The following AGO3 variants were observed in gnomAD, a reference collection of about 807,000 sequenced individuals.
The protein encoded by AGO3 is argonaute RISC catalytic component 3, also known as protein argonaute-3.
Under a neutral mutation model 105.5 loss-of-function variants are expected in AGO3, and 16 were observed. The observed-to-expected ratio is 0.15, with a 90% CI of 0.10 to 0.23. AGO3 has a LOEUF of 0.23. Ranked by LOEUF, AGO3 falls within the 10% of genes least tolerant of loss-of-function variation. AGO3 has a pLI of 1.00. For missense variants in AGO3, 534 were observed against 1,088.0 expected, an observed-to-expected ratio of 0.49 and a Z score of 7.16; for synonymous variants, 340 against 367.3, an observed-to-expected ratio of 0.93 and a Z score of 0.85.
chr1:36,027,073 G>A lies in AGO3; in HGVS notation c.1407-41G>A. 1 of 1,563,024 alleles carries A rather than the reference G, an allele frequency of 6.4e-7. No individual in the cohort carries two copies. Among genetic ancestry groups the A allele is most frequent in the Non-Finnish European group, 8.7e-7 (1 of 1,153,024 alleles). ...CCATTACTACTTTGTAGGAATTCAT[G>A]ACTAGACAAAGGTTTTATATTTAGT... On this transcript the variant is annotated intron_variant, in intron 11 of 18. Coordinates refer to ENST00000373191, the MANE Select transcript of AGO3 (RefSeq NM_024852.4). This position sits in a 1 kb window ranked among gnomAD's most constrained non-coding sequence, Gnocchi z 4.0.
Position 36,027,778 on chromosome 1 carries a change from CAAAA to C in AGO3, c.1591+492_1591+495del, listed in dbSNP as rs529893386. Among the ~76,000 whole-genome samples the C allele has an allele frequency of 1.5e-5, 1 of 66,700 alleles. No homozygotes were observed. Among genetic ancestry groups the C allele is most frequent in the African/African-American group, 5.8e-5 (1 of 17,166 alleles). 43.8% of individuals were successfully genotyped at this position (66,700 alleles called of 152,430 possible). A position where few individuals can be genotyped will look rare whatever the true frequency, so the allele number is the denominator to read the frequency against. On this transcript the variant is annotated intron_variant, in intron 12 of 18. Coordinates refer to ENST00000373191, the MANE Select transcript of AGO3 (RefSeq NM_024852.4). The surrounding 1 kb of genome is among the most constrained non-coding windows in gnomAD (Gnocchi z 4.0). ...TGGGCGACAGAGCGAAAGTCCGTCT[CAAAA>C]AAAAAAAAAAAGGGTTTCAGTAGTG...
At position 36,058,556 on chromosome 1, in the gene AGO3, G is replaced by T. The variant is rs1314092908; in HGVS notation, c.*2811G>T. 2 of 151,588 alleles carry T rather than the reference G, an allele frequency of 1.3e-5. No individual in the cohort carries two copies. Among genetic ancestry groups the T allele is most frequent in the Non-Finnish European group, 2.9e-5 (2 of 67,970 alleles). 9.4% of individuals were successfully genotyped at this position (151,588 alleles called of 1,614,324 possible). On this transcript the variant is annotated 3_prime_UTR_variant, in exon 19 of 19. Coordinates refer to ENST00000373191, the MANE Select transcript of AGO3 (RefSeq NM_024852.4). ...GAAACCTAATGGATTTAGATCTTTAGTTTCTCTCTTACCTGTAATCCACTA... is the reference window on the plus strand; with the variant it reads ...GAAACCTAATGGATTTAGATCTTTATTTTCTCTCTTACCTGTAATCCACTA...
intron 5 of AGO3, among the ~76,000 whole-genome samples, chr1:36,001,493 T>C (rs1557676798): frequency 6.6e-6 from 1 of 152,172 alleles, no homozygotes; most frequent in Admixed American, 6.5e-5. Flanking sequence ...CAGTATAGTG[T>C]TTCTAATGTT....
intron 12 of AGO3, among the ~76,000 whole-genome samples, chr1:36,028,319 C>T (rs1236841805): frequency 5.9e-5 from 9 of 151,406 alleles, no homozygotes; most frequent in Non-Finnish European, 1.2e-4. Context: ...CATGTGTATA[C>T]ATGTGCCATG....
rs112450136 is a variant in AGO3 at position 36,052,192 on chromosome 1, A to G, written c.2275-2754A>G. Reference sequence around the variant, plus strand: ...TGTCCCTCAACAGATGAATGAAGAAAATATGGTATTTATACACAATGAAAT... The same window carrying G: ...TGTCCCTCAACAGATGAATGAAGAAGATATGGTATTTATACACAATGAAAT... On this transcript the variant is annotated intron_variant, in intron 17 of 18. Coordinates refer to ENST00000373191, the MANE Select transcript of AGO3 (RefSeq NM_024852.4). 1.4e-3 allele frequency among the ~76,000 whole-genome samples: 206 copies of G among 152,340 alleles called. 2 individuals carry two copies. The highest frequency in any genetic ancestry group is 4.4e-3 in the African/African-American group (185 of 41,588).
At chr1:36,040,150 G>T (rs1642186820) in intron 15 of AGO3, among the ~76,000 whole-genome samples, 157 bp from the exon 16 acceptor site, 1 of 152,144 alleles carries the variant, frequency 6.6e-6, no homozygotes, top group African/African-American at 2.4e-5. Context: ...TGTATGCCTT[G>T]CTTGCTAAGA....
At chr1:35,957,365 AAAG>A (rs1311409321) in intron 2 of AGO3, among the ~76,000 whole-genome samples, 3 of 151,422 alleles carry the variant, frequency 2.0e-5, no homozygotes, top group Non-Finnish European at 4.4e-5. Context: ...AAAACAAAAA[AAAG>A]AAGTCAGTGG....
At chr1:35,980,192 CCTT>C (rs1647027925) in intron 5 of AGO3, among the ~76,000 whole-genome samples, 1 of 151,944 alleles carries the variant, frequency 6.6e-6, no homozygotes, top group Non-Finnish European at 1.5e-5. Context: ...TATTCTCTTC[CCTT>C]CTTTCTACTA....
Position 35,945,804 on chromosome 1 carries a change from T to G in AGO3, c.132T>G (p.Ile44Met). The G allele has an allele frequency of 1.2e-6, 2 of 1,613,850 alleles. No homozygotes were observed. Among genetic ancestry groups the G allele is most frequent in the Non-Finnish European group, 1.7e-6 (2 of 1,180,002 alleles). Residue 44 changes from isoleucine (I) to methionine (M), a missense_variant, in exon 2 of 19, where the codon ATT becomes ATG. By Grantham distance (10) the Ile-to-Met change is conservative. Around this residue, in one of 2 missense-constraint regions of AGO3, gnomAD observed 161 missense variants for 234.0 expected, o/e 0.69. Coordinates refer to ENST00000373191, the MANE Select transcript of AGO3 (RefSeq NM_024852.4). The stretch of plus-strand genomic sequence containing the variant: ...GTTTTCAAGTTGAAATCCCAAAGAT[T>G]GATGTCTACCTCTATGAGGTAGATA... ...ANCFQVEIPK[I>M]DVYLYEVDIK...
chr1:35,935,286 A>G (rs971943261), intron 1 of AGO3, among the ~76,000 whole-genome samples: 2 of 152,252 alleles, frequency 1.3e-5, no homozygotes, highest in African/African-American at 4.8e-5. Context: ...GAAAAGACAT[A>G]TAGATAACCT....
chr1:36,002,137 A>C (rs1192488745), intron 5 of AGO3, among the ~76,000 whole-genome samples: 2 of 152,026 alleles, frequency 1.3e-5, no homozygotes, highest in African/African-American at 4.8e-5. Flanking sequence ...CTCTGGCCTT[A>C]GCCTTCTGAG....
At chr1:35,937,743 C>CT (rs1277580923) in intron 1 of AGO3, among the ~76,000 whole-genome samples, 1 of 152,150 alleles carries the variant, frequency 6.6e-6, no homozygotes, top group African/African-American at 2.4e-5. Flanking sequence ...TAACCCTCAA[C>CT]TGGCTGGATG....
At chr1:36,007,565 C>T (rs1640396683) in intron 6 of AGO3, among the ~76,000 whole-genome samples, 1 of 151,726 alleles carries the variant, frequency 6.6e-6, no homozygotes, top group Non-Finnish European at 1.5e-5. Flanking sequence ...GGCATAGTGG[C>T]GGGTACTGTA....
At chr1:36,030,553 A>C (rs962429116) in intron 12 of AGO3, among the ~76,000 whole-genome samples, 6 of 152,158 alleles carry the variant, frequency 3.9e-5, no homozygotes, top group African/African-American at 1.4e-4. Context: ...ATAAAGGGAA[A>C]AATTTTGTGC....
At chr1:35,933,061 CTCT>C (rs1390308267) in intron 1 of AGO3, among the ~76,000 whole-genome samples, 7 of 152,118 alleles carry the variant, frequency 4.6e-5, no homozygotes, top group African/African-American at 1.4e-4. Context: ...TACATTTTAC[CTCT>C]TCTTTTTTGG....
intron 16 of AGO3, among the ~76,000 whole-genome samples, chr1:36,043,042 TTC>T (rs1193769586): frequency 3.3e-5 from 5 of 152,218 alleles, no homozygotes; most frequent in African/African-American, 9.6e-5. Context: ...CTTGTCAGCA[TTC>T]TCTCTCTCTA....
chr1:35,987,498 A>G (rs978533740), intron 5 of AGO3, among the ~76,000 whole-genome samples: 16 of 152,094 alleles, frequency 1.1e-4, no homozygotes, highest in African/African-American at 3.9e-4. Flanking sequence ...GTTTCAAAAA[A>G]AAAGCAAAAG....
chr1:35,987,724 A>G (rs571911533), intron 5 of AGO3, among the ~76,000 whole-genome samples: 1 of 151,942 alleles, frequency 6.6e-6, no homozygotes, highest in East Asian at 1.9e-4. Flanking sequence ...TTATGTGAGC[A>G]AAGTATAACG....
intron 5 of AGO3, 36 bp from the exon 6 acceptor site, chr1:36,004,305 A>G (rs1392970451): frequency 6.4e-7 from 1 of 1,569,610 alleles, no homozygotes; most frequent in Non-Finnish European, 8.6e-7. Flanking sequence ...TTTTTAGGGA[A>G]ACATTAATTT....
Sources: gnomAD v4.1 joint callset for allele counts (sites outside exome capture counted in the v4.1 genomes callset) on GRCh38, gnomAD v4.1.1 for gene constraint, gnomAD v4.1.1 regional missense constraint, Gnocchi (gnomAD v3.1) non-coding constraint, MANE v1.5 for transcripts, NCBI Gene and HGNC (gene_info 2026-07-23, HGNC 2026-07-21) for gene names.